GNAI1: variants seen among roughly 807,000 people sequenced by gnomAD.
GNAI1 encodes the protein guanine nucleotide-binding protein G(i) subunit alpha-1.
GNAI1 carries 11 observed loss-of-function variants against 38.9 expected under a neutral mutation model. The observed-to-expected ratio is 0.28, with a 90% CI of 0.18 to 0.47. The LOEUF (loss-of-function observed/expected upper bound fraction) is 0.47. Among genes scored for constraint, GNAI1 ranks in the 20% least tolerant of loss-of-function variants. The probability of loss-of-function intolerance (pLI) is 0.99; values close to 1 mark genes in which losing one functional copy is unlikely to be tolerated. For missense variants in GNAI1, 317 were observed against 436.9 expected (o/e 0.73, Z 2.45); for synonymous variants, 166 against 145.1 (o/e 1.14, Z -1.04).
At chr7:80,203,565 A>G (rs971354026) in intron 4 of GNAI1, 139 bp from the exon 5 acceptor site, 20 of 583,266 alleles carry the variant, frequency 3.4e-5, no homozygotes, top group Admixed American at 7.5e-5. Context: ...AAACTGGATT[A>G]TATCTTTACA....
At chr7:80,147,310 G>T (rs991087330) in intron 1 of GNAI1, among the ~76,000 whole-genome samples, 2 of 151,308 alleles carry the variant, frequency 1.3e-5, no homozygotes, top group Admixed American at 6.6e-5. Context: ...GGGCTTTTGG[G>T]AAGTAATTAA....
chr7:80,137,293 CT>C (rs377362596), intron 1 of GNAI1, among the ~76,000 whole-genome samples: 20,673 of 95,418 alleles, frequency 0.22, 1,820 homozygotes, highest in South Asian at 0.33. Context: ...TTTCTTTTTT[CT>C]TTTTTTTTTT....
At chr7:80,148,681 T>A in intron 1 of GNAI1, among the ~76,000 whole-genome samples, 1 of 152,124 alleles carries the variant, frequency 6.6e-6, no homozygotes, top group East Asian at 1.9e-4. Context: ...AGAACCAAAC[T>A]AATGTTTTAG....
At chr7:80,191,438 C>T (rs1162482587) in intron 3 of GNAI1, among the ~76,000 whole-genome samples, 1 of 152,122 alleles carries the variant, frequency 6.6e-6, no homozygotes, top group East Asian at 1.9e-4. Context: ...GTAGCCCAGG[C>T]TGGAGTACAG....
At chr7:80,183,892 C>A (rs1268668336) in intron 1 of GNAI1, among the ~76,000 whole-genome samples, 3 of 152,084 alleles carry the variant, frequency 2.0e-5, no homozygotes, top group Non-Finnish European at 4.4e-5. Flanking sequence ...TGATGCATTT[C>A]CCTTTCCTGG....
chr7:80,136,026 G>C, intron 1 of GNAI1: 1 of 985,484 alleles, frequency 1.0e-6, no homozygotes, highest in Non-Finnish European at 1.2e-6. Context: ...CCAGACAACA[G>C]GGTTCTGTCT....
Position 80,169,504 on chromosome 7 carries a change from G to C in GNAI1, c.119-19447G>C, listed in dbSNP as rs56930894. The stretch of plus-strand genomic sequence containing the variant: ...ATGCTACACAATAGAAGAGGAGGTG[G>C]AATGAAGGTTCCATTTAGGAACAGT... On this transcript the variant is annotated intron_variant, in intron 1 of 7. Transcript: ENST00000649796. 2.4e-3 allele frequency among the ~76,000 whole-genome samples: 370 copies of C among 152,262 alleles called. 1 individual carries two copies. The highest frequency in any genetic ancestry group is 8.3e-3 in the African/African-American group (345 of 41,554).
chr7:80,211,844 C>G (rs928173006), intron 6 of GNAI1, among the ~76,000 whole-genome samples: 1 of 152,142 alleles, frequency 6.6e-6, no homozygotes, highest in African/African-American at 2.4e-5. Context: ...TTTAAGTTAA[C>G]TTTATTACAA....
intron 1 of GNAI1, among the ~76,000 whole-genome samples, chr7:80,137,737 T>C (rs1345768309): frequency 4.6e-5 from 7 of 152,192 alleles, no homozygotes; most frequent in Admixed American, 3.3e-4. Flanking sequence ...GGTCTTTTGC[T>C]TTTCCCTACC....
Position 80,202,644 on chromosome 7 carries a change from A to G in GNAI1, c.462-1060A>G, listed in dbSNP as rs562367153. 5.9e-5 allele frequency among the ~76,000 whole-genome samples: 9 copies of G among 152,316 alleles called. No individual in the cohort carries two copies. In the East Asian group the frequency reaches 9.6e-4, roughly 16 times the overall value. Reference sequence around the variant, plus strand: ...AGGTAACTCAGGCTGTCATCTCTCTATGTATTCTAGTATAATTACCACATA... The same window carrying G: ...AGGTAACTCAGGCTGTCATCTCTCTGTGTATTCTAGTATAATTACCACATA... On this transcript the variant is annotated intron_variant, in intron 4 of 7. Transcript: ENST00000649796.
At chr7:80,184,015 T>C (rs922603751) in intron 1 of GNAI1, among the ~76,000 whole-genome samples, 1 of 152,058 alleles carries the variant, frequency 6.6e-6, no homozygotes, top group Non-Finnish European at 1.5e-5. Context: ...TTTGCTGGGC[T>C]CCATATTTGC....
Position 80,191,097 on chromosome 7 carries a change from G to A in GNAI1, c.303+1866G>A, listed in dbSNP as rs114317249. Among the ~76,000 whole-genome samples the A allele has an allele frequency of 3.8e-3, 579 of 151,814 alleles. 4 individuals carry two copies. Among genetic ancestry groups the A allele is most frequent in the African/African-American group, 0.013 (539 of 41,384 alleles). On this transcript the variant is annotated intron_variant, in intron 3 of 7. Transcript: ENST00000649796. ...AGTAACTGTCTTCTTCCTGCCTTTA[G>A]ACTATTACTTCTGTTTGCTTTCTCC...
chr7:80,135,194 G>A lies in GNAI1; in HGVS notation c.34G>A (p.Ala12Thr). Residue 12 changes from alanine (A) to threonine (T), a missense_variant, in exon 1 of 8, where the codon GCG becomes ACG. Around this residue, in one of 5 missense-constraint regions of GNAI1, gnomAD observed 37 missense variants for 26.2 expected, o/e 1.41. Coordinates refer to ENST00000649796, the MANE Select transcript of GNAI1 (RefSeq NM_002069.6). Reference protein sequence around the residue: ...GCTLSAEDKAAVERSKMIDRN... With the variant: ...GCTLSAEDKATVERSKMIDRN... ...CACGCTGAGCGCCGAGGACAAGGCG[G>A]CGGTGGAGCGGAGTAAGATGATCGA... 2 of 1,553,592 alleles carry A rather than the reference G, an allele frequency of 1.3e-6. No individual in the cohort carries two copies. The highest frequency in any genetic ancestry group is 2.6e-5 in the East Asian group (1 of 38,998).
chr7:80,136,742 T>C (rs1787423211), intron 1 of GNAI1, among the ~76,000 whole-genome samples: 1 of 152,234 alleles, frequency 6.6e-6, no homozygotes, highest in South Asian at 2.1e-4. Context: ...TTTGCTCTCC[T>C]GGTGTGATAC....
At chr7:80,161,319 A>G (rs1307147293) in intron 1 of GNAI1, among the ~76,000 whole-genome samples, 1 of 152,226 alleles carries the variant, frequency 6.6e-6, no homozygotes, top group Non-Finnish European at 1.5e-5. Context: ...TTGAAGGCAC[A>G]TACTTATTTA....
chr7:80,223,925 T>C lies in GNAI1; in HGVS notation c.*6432T>C, dbSNP rs1478975418. Among the ~76,000 whole-genome samples, 3 of 152,184 alleles carry C rather than the reference T, an allele frequency of 2.0e-5. No homozygotes were observed. Among genetic ancestry groups the C allele is most frequent in the Non-Finnish European group, 2.9e-5 (2 of 68,040 alleles). On this transcript the variant is annotated 3_prime_UTR_variant, in exon 8 of 8. Coordinates refer to ENST00000649796, the MANE Select transcript of GNAI1 (RefSeq NM_002069.6). The stretch of plus-strand genomic sequence containing the variant: ...TCTTGTCTAAATCTAATAAAGCATT[T>C]TTCTGGCTGAAGCTGCAATGGAAAG...
At chr7:80,198,327 A>G (rs1313532252) in intron 3 of GNAI1, among the ~76,000 whole-genome samples, 1 of 152,040 alleles carries the variant, frequency 6.6e-6, no homozygotes, top group Non-Finnish European at 1.5e-5. Context: ...GTTAAAAATC[A>G]TTTCACCTAG....
At chr7:80,200,681 AGT>A (rs1188826375) in intron 4 of GNAI1, among the ~76,000 whole-genome samples, 1 of 152,206 alleles carries the variant, frequency 6.6e-6, no homozygotes, top group African/African-American at 2.4e-5. Context: ...TGTGTGATTT[AGT>A]GTGTTTAAGA....
rs1410712300 is a variant in GNAI1 at position 80,146,542 on chromosome 7, G to A, written c.118+11264G>A. On this transcript the variant is annotated intron_variant, in intron 1 of 7. Coordinates refer to ENST00000649796, the MANE Select transcript of GNAI1 (RefSeq NM_002069.6). ...CAAGTGCTGACCTTATTTTTTTAGAGCTCGTTCTTTTTAAAGTTAAACTTT... is the reference window on the plus strand; with the variant it reads ...CAAGTGCTGACCTTATTTTTTTAGAACTCGTTCTTTTTAAAGTTAAACTTT... Among the ~76,000 whole-genome samples the A allele has an allele frequency of 2.6e-5, 4 of 151,988 alleles. No homozygotes were observed. In the East Asian group the frequency reaches 5.8e-4, roughly 22 times the overall value.
Sources: allele counts gnomAD v4.1 joint callset (sites outside exome capture counted in the v4.1 genomes callset), GRCh38; gene constraint gnomAD v4.1.1; regional missense constraint gnomAD v4.1.1; transcripts MANE v1.5; gene names NCBI Gene and HGNC (gene_info 2026-07-23, HGNC 2026-07-21).